Variants in BRINP3 observed in about 807,000 individuals in gnomAD.
BRINP3 encodes the protein BMP/retinoic acid-inducible neural-specific protein 3.
BRINP3 carries 19 observed loss-of-function variants against 71.0 expected under a neutral mutation model. The observed-to-expected ratio is 0.27, with a 90% CI of 0.19 to 0.39. The LOEUF (loss-of-function observed/expected upper bound fraction) is 0.39. Ranked by LOEUF, BRINP3 falls within the 10% of genes least tolerant of loss-of-function variation. BRINP3 has a pLI of 1.00. For missense variants in BRINP3, 959 were observed against 940.8 expected (o/e 1.02, Z -0.25); for synonymous variants, 380 against 337.7 (o/e 1.13, Z -1.37).
chr1:190,218,695 A>G (rs1656617658), intron 6 of BRINP3, among the ~76,000 whole-genome samples: 1 of 151,858 alleles, frequency 6.6e-6, no homozygotes, highest in South Asian at 2.1e-4. Flanking sequence ...GGTCTAACTG[A>G]AACTTTGCAA....
chr1:190,173,009 C>T (rs1424085804), intron 6 of BRINP3, among the ~76,000 whole-genome samples: 2 of 152,172 alleles, frequency 1.3e-5, no homozygotes, highest in African/African-American at 2.4e-5. Context: ...CTTCAGTTCT[C>T]TTTCTACCTT....
intron 2 of BRINP3, among the ~76,000 whole-genome samples, chr1:190,387,355 T>G (rs1163902478): frequency 6.6e-6 from 1 of 151,982 alleles, no homozygotes; most frequent in African/African-American, 2.4e-5. Flanking sequence ...AAGAAACTAA[T>G]ATGACAAGCT....
At chr1:190,212,715 A>C (rs1311424695) in intron 6 of BRINP3, among the ~76,000 whole-genome samples, 1 of 152,116 alleles carries the variant, frequency 6.6e-6, no homozygotes, top group East Asian at 1.9e-4. Flanking sequence ...AGCTAGACAC[A>C]CATTACATAA....
chr1:190,207,307 T>G (rs1392476331), intron 6 of BRINP3, among the ~76,000 whole-genome samples: 1 of 152,118 alleles, frequency 6.6e-6, no homozygotes, highest in Non-Finnish European at 1.5e-5. Context: ...GCATAGCCAG[T>G]GCGACAAATT....
intron 4 of BRINP3, among the ~76,000 whole-genome samples, chr1:190,263,711 TCC>T (rs1661399196): frequency 1.3e-5 from 2 of 150,378 alleles, no homozygotes; most frequent in Non-Finnish European, 3.0e-5. Context: ...TGCCTCAGCC[TCC>T]CAGTAGCTGG....
chr1:190,413,919 T>A (rs1402377163), intron 2 of BRINP3, among the ~76,000 whole-genome samples: 1 of 152,112 alleles, frequency 6.6e-6, no homozygotes, highest in Non-Finnish European at 1.5e-5. Flanking sequence ...TTAACAGGAA[T>A]TACACATAAA....
intron 2 of BRINP3, among the ~76,000 whole-genome samples, chr1:190,286,891 T>C (rs1663467038): frequency 6.6e-6 from 1 of 152,020 alleles, no homozygotes; most frequent in South Asian, 2.1e-4. Flanking sequence ...CATAATTTTA[T>C]TGAGAAACTG....
At chr1:190,361,599 T>C (rs949255529) in intron 2 of BRINP3, among the ~76,000 whole-genome samples, 3 of 152,114 alleles carry the variant, frequency 2.0e-5, no homozygotes, top group African/African-American at 7.2e-5. Flanking sequence ...GACAGGGTTT[T>C]CACCATGTTT....
At chr1:190,164,320 C>T (rs1651285663) in intron 6 of BRINP3, among the ~76,000 whole-genome samples, 1 of 152,052 alleles carries the variant, frequency 6.6e-6, no homozygotes, top group Non-Finnish European at 1.5e-5. Flanking sequence ...AAACATTAAT[C>T]AGTTTTTCAT....
At chr1:190,154,335 G>A (rs1412969) in intron 7 of BRINP3, among the ~76,000 whole-genome samples, 1,908 of 152,236 alleles carry the variant, frequency 0.013, 36 homozygotes, top group African/African-American at 0.043. Flanking sequence ...AGCTACTTAG[G>A]AGGAGAAGAA....
chr1:190,202,705 A>T (rs1290221434), intron 6 of BRINP3, among the ~76,000 whole-genome samples: 1 of 151,012 alleles, frequency 6.6e-6, no homozygotes, highest in African/African-American at 2.4e-5. Context: ...GATGGTTTTA[A>T]AAAATGGGAG....
intron 2 of BRINP3, among the ~76,000 whole-genome samples, chr1:190,452,935 C>T (rs1232920155): frequency 6.6e-6 from 1 of 152,096 alleles, no homozygotes; most frequent in Admixed American, 6.5e-5. Flanking sequence ...CCACAACAAT[C>T]ACACATAAGA....
At chr1:190,188,823 C>G (rs189785039) in intron 6 of BRINP3, among the ~76,000 whole-genome samples, 2 of 151,856 alleles carry the variant, frequency 1.3e-5, no homozygotes, top group East Asian at 3.9e-4. Context: ...TGCAATGGCA[C>G]GATCTCGGCT....
intron 7 of BRINP3, among the ~76,000 whole-genome samples, chr1:190,140,046 T>C (rs961765571): frequency 6.6e-6 from 1 of 151,998 alleles, no homozygotes; most frequent in Non-Finnish European, 1.5e-5. Flanking sequence ...TTAAGAAAAA[T>C]TTTCAAGAAA....
intron 2 of BRINP3, among the ~76,000 whole-genome samples, chr1:190,365,642 A>G (rs1166909335): frequency 7.0e-6 from 1 of 143,222 alleles, no homozygotes; most frequent in Non-Finnish European, 1.5e-5. Context: ...ATTGTAATAT[A>G]ATGATATAGT....
intron 3 of BRINP3, among the ~76,000 whole-genome samples, chr1:190,265,476 C>T (rs761970362): frequency 2.0e-5 from 3 of 151,150 alleles, no homozygotes; most frequent in South Asian, 4.2e-4. Flanking sequence ...CCGAGGTGGG[C>T]GGATCATGAG....
At chr1:190,347,092 A>G (rs1351090582) in intron 2 of BRINP3, among the ~76,000 whole-genome samples, 2 of 152,160 alleles carry the variant, frequency 1.3e-5, no homozygotes, top group Non-Finnish European at 2.9e-5. Flanking sequence ...AATAATAGCT[A>G]TCATTTGAGT....
chr1:190,243,028 C>A (rs1480800397), intron 4 of BRINP3, among the ~76,000 whole-genome samples: 2 of 152,112 alleles, frequency 1.3e-5, no homozygotes, highest in African/African-American at 2.4e-5. Context: ...AAATAATACA[C>A]AAGCACACCA....
At chr1:190,289,968 C>T (rs2102963548) in intron 2 of BRINP3, among the ~76,000 whole-genome samples, 1 of 151,794 alleles carries the variant, frequency 6.6e-6, no homozygotes, top group Middle Eastern at 3.4e-3. Flanking sequence ...AATGAATGAC[C>T]CATAGTAGTC....
Sources: gnomAD v4.1 joint callset for allele counts (sites outside exome capture counted in the v4.1 genomes callset) on GRCh38, gnomAD v4.1.1 for gene constraint, MANE v1.5 for transcripts, NCBI Gene and HGNC (gene_info 2026-07-23, HGNC 2026-07-21) for gene names.